The following CFDP1 variants were observed in gnomAD, a reference collection of about 807,000 sequenced individuals.
The protein encoded by CFDP1 is chromatin remodeling protein CFDP1.
In CFDP1, 31 loss-of-function variants were observed where a neutral mutation model predicts 40.1. The observed-to-expected ratio is 0.77, with a 90% CI of 0.58 to 1.04. The LOEUF (loss-of-function observed/expected upper bound fraction) is 1.04, where lower values mean the gene tolerates loss of function less well. Ranked by LOEUF, CFDP1 falls within the 50% of genes least tolerant of loss-of-function variation. CFDP1 has a pLI of 0.00. For synonymous variants in CFDP1, 167 were observed against 120.0 expected (o/e 1.39, Z -2.56); for missense variants, 423 against 343.4 (o/e 1.23, Z -1.83).
intron 5 of CFDP1, among the ~76,000 whole-genome samples, chr16:75,325,233 C>A (rs1206193616): frequency 1.3e-5 from 2 of 152,172 alleles, no homozygotes; most frequent in Non-Finnish European, 2.9e-5. Flanking sequence ...TTGTGGGGGA[C>A]AACATCTGTC....
intron 5 of CFDP1, among the ~76,000 whole-genome samples, chr16:75,340,634 C>T (rs766316604): frequency 2.0e-5 from 3 of 152,064 alleles, no homozygotes; most frequent in African/African-American, 2.4e-5. Flanking sequence ...ATTTTTTGGA[C>T]GAAATTTCTT....
chr16:75,347,557 T>C (rs777594398), intron 5 of CFDP1, among the ~76,000 whole-genome samples: 19 of 151,484 alleles, frequency 1.3e-4, no homozygotes, highest in Admixed American at 9.9e-4. Flanking sequence ...CAGGCACCTG[T>C]AGTCCCAGCT....
At chr16:75,336,937 A>T (rs962164082) in intron 5 of CFDP1, among the ~76,000 whole-genome samples, 1 of 152,160 alleles carries the variant, frequency 6.6e-6, no homozygotes, top group African/African-American at 2.4e-5. Context: ...TGCCCTTTAA[A>T]AACTGGACAG....
At chr16:75,424,335 G>A (rs902544970) in intron 1 of CFDP1, among the ~76,000 whole-genome samples, 1 of 152,144 alleles carries the variant, frequency 6.6e-6, no homozygotes, top group African/African-American at 2.4e-5. Context: ...TGACTGAGTT[G>A]GTAATAAGTT....
chr16:75,325,061 C>A (rs2078393029), intron 5 of CFDP1: 1 of 152,092 alleles, frequency 6.6e-6, no homozygotes, highest in Non-Finnish European at 1.5e-5. Flanking sequence ...CCATCTATAC[C>A]CACTCTTTGG....
intron 5 of CFDP1, among the ~76,000 whole-genome samples, chr16:75,326,157 C>A (rs966651761): frequency 2.0e-5 from 3 of 152,116 alleles, no homozygotes; most frequent in African/African-American, 4.8e-5. Context: ...AGCTCTATAA[C>A]AACCAAGTCA....
At chr16:75,296,003 A>AG (rs1224919763) in intron 6 of CFDP1, among the ~76,000 whole-genome samples, 1 of 152,180 alleles carries the variant, frequency 6.6e-6, no homozygotes, top group East Asian at 1.9e-4. Flanking sequence ...AGCCCAAGGG[A>AG]GGCTCACTAC....
intron 4 of CFDP1, among the ~76,000 whole-genome samples, chr16:75,400,649 C>A (rs896792447): frequency 6.6e-6 from 1 of 152,152 alleles, no homozygotes; most frequent in East Asian, 1.9e-4. Context: ...AAAGGCATGG[C>A]TGAAGTCCAT....
intron 5 of CFDP1, among the ~76,000 whole-genome samples, chr16:75,368,821 G>C (rs990085362): frequency 2.6e-5 from 4 of 152,180 alleles, no homozygotes; most frequent in South Asian, 2.1e-4. Flanking sequence ...TTTTTGTAGA[G>C]ATGGAGTTTC....
intron 6 of CFDP1, among the ~76,000 whole-genome samples, chr16:75,299,541 G>A (rs918244903): frequency 3.3e-5 from 5 of 151,782 alleles, no homozygotes; most frequent in Non-Finnish European, 5.9e-5. Flanking sequence ...TTTGCAGTGA[G>A]CTGAGATCGC....
At chr16:75,400,419 A>G (rs972855298) in intron 4 of CFDP1, among the ~76,000 whole-genome samples, 5 of 152,212 alleles carry the variant, frequency 3.3e-5, no homozygotes, top group African/African-American at 7.2e-5. Context: ...AATGTGTACT[A>G]AAGTACCCTA....
intron 5 of CFDP1, among the ~76,000 whole-genome samples, chr16:75,317,075 C>T (rs1346830713): frequency 6.6e-6 from 1 of 152,246 alleles, no homozygotes; most frequent in Non-Finnish European, 1.5e-5. Flanking sequence ...GGATCTTCAG[C>T]AAAGTCCTAG....
chr16:75,337,857 C>T (rs2078500504), intron 5 of CFDP1, among the ~76,000 whole-genome samples: 1 of 152,188 alleles, frequency 6.6e-6, no homozygotes, highest in Admixed American at 6.5e-5. Context: ...TAATCCAAAC[C>T]ATATCATTGA....
intron 6 of CFDP1, among the ~76,000 whole-genome samples, chr16:75,303,025 T>A (rs1489545925): frequency 6.7e-6 from 1 of 149,026 alleles, no homozygotes; most frequent in South Asian, 2.2e-4. Flanking sequence ...CATGGTGAAA[T>A]CCCGTCTCTA....
At chr16:75,429,941 T>C (rs997919751) in intron 1 of CFDP1, among the ~76,000 whole-genome samples, 5 of 151,996 alleles carry the variant, frequency 3.3e-5, no homozygotes, top group Non-Finnish European at 5.9e-5. Context: ...CCCAAGGTGG[T>C]TGGGGTGCAG....
chr16:75,418,982 A>AT (rs1294244009), intron 1 of CFDP1: 2 of 287,602 alleles, frequency 7.0e-6, no homozygotes, highest in Non-Finnish European at 1.5e-5. Flanking sequence ...TCTATAAAAG[A>AT]TTTTTAAAAA....
At chr16:75,377,547 A>C (rs11858992) in intron 5 of CFDP1, among the ~76,000 whole-genome samples, 79,614 of 151,832 alleles carry the variant, frequency 0.52, 21,787 homozygotes, top group Admixed American at 0.64. Context: ...CAAAAGAAAT[A>C]AAGAAAAGAA....
At chr16:75,425,945 A>G (rs1371759909) in intron 1 of CFDP1, among the ~76,000 whole-genome samples, 2 of 144,004 alleles carry the variant, frequency 1.4e-5, no homozygotes, top group Admixed American at 7.1e-5. Context: ...CTGAGGCAGG[A>G]GAATCGCTTG....
At chr16:75,306,877 T>TCACA (rs59846343) in intron 5 of CFDP1, among the ~76,000 whole-genome samples, 1,525 of 135,642 alleles carry the variant, frequency 0.011, 22 homozygotes, top group African/African-American at 0.04. Context: ...GTGCGCGTGA[T>TCACA]CACACACACA....
Sources: gnomAD v4.1 joint callset for allele counts (sites outside exome capture counted in the v4.1 genomes callset) on GRCh38, gnomAD v4.1.1 for gene constraint, MANE v1.5 for transcripts, NCBI Gene and HGNC (gene_info 2026-07-23, HGNC 2026-07-21) for gene names.